Variants in MACROD2 observed in about 807,000 individuals in gnomAD.
MACROD2 encodes the protein mono-ADP ribosylhydrolase 2, also known as ADP-ribose glycohydrolase MACROD2.
Under a neutral mutation model 70.4 loss-of-function variants are expected in MACROD2, and 36 were observed. The observed-to-expected ratio is 0.51, with a 90% CI of 0.39 to 0.68. The LOEUF (loss-of-function observed/expected upper bound fraction) is 0.68. Among genes scored for constraint, MACROD2 ranks in the 30% least tolerant of loss-of-function variants. The pLI is 0.00. For synonymous variants in MACROD2, 172 were observed against 178.8 expected (o/e 0.96, Z 0.30); for missense variants, 496 against 538.4 (o/e 0.92, Z 0.78).
rs1021258741 is a variant in MACROD2 at position 14,095,688 on chromosome 20, A to G, written c.271+9960A>G. On this transcript the variant is annotated intron_variant, in intron 3 of 17. Coordinates refer to ENST00000684519, the MANE Select transcript of MACROD2 (RefSeq NM_001351661.2). ...TTGGAACACTATCAACCAATATGTG[A>G]TATCAGGAGTTTTTATTAAAAGCAT... Among the ~76,000 whole-genome samples the G allele has an allele frequency of 7.9e-5, 12 of 152,282 alleles. 1 individual carries two copies. The highest frequency in any genetic ancestry group is 4.1e-4 in the South Asian group (2 of 4,824).
intron 3 of MACROD2, among the ~76,000 whole-genome samples, chr20:14,268,309 G>T (rs911329216): frequency 6.6e-6 from 1 of 152,048 alleles, no homozygotes; most frequent in Non-Finnish European, 1.5e-5. Context: ...TTTATCAGTT[G>T]TGTCAAAAAT....
At chr20:15,499,551 T>C (rs1046499187) in intron 7 of MACROD2, among the ~76,000 whole-genome samples, 6 of 152,204 alleles carry the variant, frequency 3.9e-5, no homozygotes, top group Non-Finnish European at 8.8e-5. Flanking sequence ...AATTATTTAT[T>C]GTCTTTTTGT....
At chr20:16,003,122 A>AC (rs1491217648) in intron 15 of MACROD2, among the ~76,000 whole-genome samples, 3 of 137,828 alleles carry the variant, frequency 2.2e-5, no homozygotes, top group Admixed American at 1.4e-4. Flanking sequence ...ACACACACAC[A>AC]AACAATCTCT....
At chr20:15,080,728 A>T (rs2075696947) in intron 5 of MACROD2, among the ~76,000 whole-genome samples, 1 of 152,158 alleles carries the variant, frequency 6.6e-6, no homozygotes, top group African/African-American at 2.4e-5. Flanking sequence ...TCTAATAGGC[A>T]TCATAAGCAT....
At chr20:14,033,410 G>C (rs775260362) in intron 2 of MACROD2, among the ~76,000 whole-genome samples, 9 of 152,082 alleles carry the variant, frequency 5.9e-5, no homozygotes, top group Middle Eastern at 3.4e-3. Context: ...TGTCATAGCT[G>C]TTTTGATACA....
At chr20:15,483,672 T>C (rs571148758) in intron 7 of MACROD2, among the ~76,000 whole-genome samples, 25 of 152,278 alleles carry the variant, frequency 1.6e-4, no homozygotes, top group Non-Finnish European at 3.2e-4. Context: ...ATCTTGACAA[T>C]ATTGAGTATT....
chr20:15,467,924 G>A (rs1361787846), intron 7 of MACROD2, among the ~76,000 whole-genome samples: 1 of 152,158 alleles, frequency 6.6e-6, no homozygotes, highest in African/African-American at 2.4e-5. Context: ...AAGATTGTAT[G>A]CTACTATTCA....
intron 5 of MACROD2, among the ~76,000 whole-genome samples, chr20:14,920,333 C>T (rs980693631): frequency 1.3e-5 from 2 of 152,158 alleles, no homozygotes; most frequent in African/African-American, 2.4e-5. Flanking sequence ...AAAATTGTTA[C>T]AGAGGCATTC....
At chr20:14,104,786 T>C (rs981735741) in intron 3 of MACROD2, among the ~76,000 whole-genome samples, 1 of 152,172 alleles carries the variant, frequency 6.6e-6, no homozygotes, top group African/African-American at 2.4e-5. Context: ...AAACTGAGAC[T>C]GTAGAAGAGG....
At chr20:14,389,183 G>A (rs1485291643) in intron 3 of MACROD2, among the ~76,000 whole-genome samples, 1 of 151,524 alleles carries the variant, frequency 6.6e-6, no homozygotes, top group Non-Finnish European at 1.5e-5. Context: ...GCTGGCCATC[G>A]GCCAATTATT....
chr20:15,307,470 G>T (rs1365488660), intron 6 of MACROD2, among the ~76,000 whole-genome samples: 1 of 152,036 alleles, frequency 6.6e-6, no homozygotes, highest in Admixed American at 6.6e-5. Context: ...TGTTTGTTAT[G>T]TTGTTCTGTC....
chr20:15,419,529 T>C (rs1248897495), intron 6 of MACROD2, among the ~76,000 whole-genome samples: 2 of 152,194 alleles, frequency 1.3e-5, no homozygotes, highest in Admixed American at 1.3e-4. Context: ...TGTTCCCGAT[T>C]CCTGTGTGCA....
At chr20:15,124,373 A>AT (rs1340100649) in intron 5 of MACROD2, among the ~76,000 whole-genome samples, 2 of 151,596 alleles carry the variant, frequency 1.3e-5, no homozygotes. Flanking sequence ...TCTAAAAAAA[A>AT]GGCAAAGATA....
chr20:15,579,375 T>C (rs2048492818), intron 8 of MACROD2, among the ~76,000 whole-genome samples: 1 of 152,202 alleles, frequency 6.6e-6, no homozygotes, highest in South Asian at 2.1e-4. Flanking sequence ...GTAGTGACAT[T>C]TCAAGTGCTC....
At chr20:14,989,794 G>A (rs2074884475) in intron 5 of MACROD2, among the ~76,000 whole-genome samples, 1 of 152,094 alleles carries the variant, frequency 6.6e-6, no homozygotes, top group Non-Finnish European at 1.5e-5. Context: ...TCATAGCTTG[G>A]TCCACACCCA....
chr20:15,627,026 G>T (rs2049213866), intron 8 of MACROD2, among the ~76,000 whole-genome samples: 1 of 152,102 alleles, frequency 6.6e-6, no homozygotes, highest in Non-Finnish European at 1.5e-5. Context: ...CACAGAATTA[G>T]CAAAGTGTTA....
intron 8 of MACROD2, among the ~76,000 whole-genome samples, chr20:15,585,737 G>T (rs954188398): frequency 1.3e-5 from 2 of 149,796 alleles, no homozygotes; most frequent in South Asian, 2.1e-4. Context: ...CACTTTGTTG[G>T]TTGCCTTCTT....
At chr20:15,450,633 G>A (rs1035257690) in intron 7 of MACROD2, among the ~76,000 whole-genome samples, 2 of 152,178 alleles carry the variant, frequency 1.3e-5, no homozygotes, top group Non-Finnish European at 2.9e-5. Flanking sequence ...AGGACTTTAT[G>A]ACTTTCTTTT....
At chr20:14,514,660 A>G (rs773243913) in intron 4 of MACROD2, among the ~76,000 whole-genome samples, 3 of 152,078 alleles carry the variant, frequency 2.0e-5, no homozygotes, top group Non-Finnish European at 4.4e-5. Context: ...CAGACTTAGT[A>G]GGGCCCACTA....
Sources: gnomAD v4.1 joint callset for allele counts (sites outside exome capture counted in the v4.1 genomes callset) on GRCh38, gnomAD v4.1.1 for gene constraint, MANE v1.5 for transcripts, NCBI Gene and HGNC (gene_info 2026-07-23, HGNC 2026-07-21) for gene names.